AMOT: variants seen among roughly 807,000 people sequenced by gnomAD.
AMOT encodes the protein angiomotin.
Under a neutral mutation model 67.0 loss-of-function variants are expected in AMOT, and 11 were observed. That is an observed-to-expected ratio of 0.16 (90% CI 0.10 to 0.27). The LOEUF is 0.27. AMOT is among the 10% of genes least tolerant of loss of function. AMOT has a pLI of 1.00. For missense variants in AMOT, 753 were observed against 852.0 expected (o/e 0.88, Z 1.45); for synonymous variants, 326 against 321.4 (o/e 1.01, Z -0.15).
intron 6 of AMOT, among the ~76,000 whole-genome samples, chrX:112,810,747 G>GAA (rs1420029758): frequency 2.4e-4 from 26 of 110,228 alleles, no homozygotes; most frequent in African/African-American, 7.6e-4. Flanking sequence ...AAAAAAAAAA[G>GAA]AAAGTACCAT....
chrX:112,822,184 A>C, intron 4 of AMOT, 71 bp downstream of exon 4: 1 of 1,059,133 alleles, frequency 9.4e-7, no homozygotes, highest in Non-Finnish European at 1.2e-6. Context: ...TTCCTTCCCT[A>C]AGATTCCCAA....
At chrX:112,821,926 G>A (rs1484148930) in intron 4 of AMOT, among the ~76,000 whole-genome samples, 1 of 112,403 alleles carries the variant, frequency 8.9e-6, no homozygotes. Context: ...CTCTCAAGGA[G>A]GGCTTATGAG....
At position 112,800,875 on chromosome X, in the gene AMOT, C is replaced by T. The variant is rs138610011; in HGVS notation, c.1776+4072G>A. 5.0e-3 allele frequency among the ~76,000 whole-genome samples: 557 copies of T among 111,799 alleles called. 6 individuals are homozygous for T. The highest frequency in any genetic ancestry group is 0.017 in the African/African-American group (530 of 30,776). Reference sequence around the variant, plus strand: ...GTGACATCTACATCATCACTAGCCACTGCAGTTCAGAAAAGGTTAACATTT... The same window carrying T: ...GTGACATCTACATCATCACTAGCCATTGCAGTTCAGAAAAGGTTAACATTT... On this transcript the variant is annotated intron_variant, in intron 8 of 13. Coordinates refer to ENST00000371959, the MANE Select transcript of AMOT (RefSeq NM_001113490.2).
intron 7 of AMOT, among the ~76,000 whole-genome samples, chrX:112,808,860 T>C (rs1383185439): frequency 1.8e-5 from 2 of 111,483 alleles, no homozygotes; most frequent in Non-Finnish European, 3.8e-5. Flanking sequence ...CATTCCTTAC[T>C]CTAAGATATG....
At chrX:112,829,101 A>T (rs1005253389) in intron 2 of AMOT, among the ~76,000 whole-genome samples, 2 of 111,825 alleles carry the variant, frequency 1.8e-5, no homozygotes, top group Non-Finnish European at 1.9e-5. Context: ...CCAGCTTGGC[A>T]TTTGCTCTTA....
intron 10 of AMOT, among the ~76,000 whole-genome samples, chrX:112,783,948 G>A (rs1384631246): frequency 9.0e-6 from 1 of 110,775 alleles, no homozygotes; most frequent in Non-Finnish European, 1.9e-5. Flanking sequence ...GGGATGAAGC[G>A]GCAAGAAAAA....
intron 1 of AMOT, among the ~76,000 whole-genome samples, chrX:112,837,539 T>C (rs1235130212): frequency 9.1e-6 from 1 of 110,315 alleles, no homozygotes; most frequent in Non-Finnish European, 1.9e-5. Flanking sequence ...ATTGTGTGTG[T>C]TGTGTGTGGA....
chrX:112,831,911 C>T (rs1934999806), intron 2 of AMOT, among the ~76,000 whole-genome samples: 4 of 110,894 alleles, frequency 3.6e-5, no homozygotes, highest in Admixed American at 1.9e-4. Flanking sequence ...TCCCGATGGC[C>T]TTTCCTCCCA....
At chrX:112,812,076 T>C (rs1934385032) in intron 5 of AMOT, among the ~76,000 whole-genome samples, 1 of 111,956 alleles carries the variant, frequency 8.9e-6, no homozygotes, top group Non-Finnish European at 1.9e-5. Flanking sequence ...GCAAGATACA[T>C]CTTTAAGAAA....
chrX:112,782,571 C>A lies in AMOT; in HGVS notation c.2209G>T (p.Ala737Ser), dbSNP rs145085297. Residue 737 changes from alanine to serine, a missense_variant, in exon 11 of 14, where the codon GCC (alanine) becomes TCC (serine). Ala to Ser is a moderately conservative substitution (Grantham distance 99, BLOSUM62 1). Transcript: ENST00000371959. ...TCCATGTCAAGGCAACGCTTATTGG[C>A]CATCAAGATTTCTTCCTCCTCTTTC... ...IQKEEEEILM[A>S]NKRCLDMEGR... 3.3e-6 allele frequency: 4 copies of A among 1,209,901 alleles called. No individual in the cohort carries two copies. In the African/African-American group the frequency reaches 7.0e-5, roughly 21 times the overall value.
chrX:112,788,220 C>T (rs1208373997), intron 10 of AMOT, among the ~76,000 whole-genome samples: 12 of 107,969 alleles, frequency 1.1e-4, no homozygotes, highest in East Asian at 2.9e-4. Flanking sequence ...ACCCGGGAGG[C>T]GGAGGCTGCA....
chrX:112,791,068 C>T (rs1300700802), intron 9 of AMOT, among the ~76,000 whole-genome samples: 1 of 110,923 alleles, frequency 9.0e-6, no homozygotes, highest in Admixed American at 9.6e-5. Context: ...GCCAGCATAA[C>T]ACACAACAGA....
At chrX:112,789,503 T>C (rs1400318165) in intron 10 of AMOT, among the ~76,000 whole-genome samples, 1 of 110,262 alleles carries the variant, frequency 9.1e-6, no homozygotes, top group Non-Finnish European at 1.9e-5. Flanking sequence ...TAGAGAGACA[T>C]GTCTTCCTAA....
At chrX:112,816,353 A>G (rs1035860914) in intron 4 of AMOT, among the ~76,000 whole-genome samples, 3 of 111,231 alleles carry the variant, frequency 2.7e-5, no homozygotes, top group African/African-American at 9.8e-5. Context: ...ACAGCCATAA[A>G]AACCACCCCC....
chrX:112,781,411 G>A (rs910327697), intron 11 of AMOT, among the ~76,000 whole-genome samples: 4 of 91,530 alleles, frequency 4.4e-5, no homozygotes, highest in African/African-American at 1.8e-4. Flanking sequence ...CTGCACTCCA[G>A]CCTGGGTGAC....
Position 112,815,627 on chromosome X carries a change from T to A in AMOT, c.1123A>T (p.Ser375Cys). The change falls in exon 5 of 14, where the codon AGT becomes TGT. Residue 375 changes from serine (S) to cysteine (C), a missense_variant. Transcript: ENST00000371959. ...TGCTGCTGTTGCTGCTGCTGCTGAC[T>A]CAGGCCAGGTTGGGAGAGACGGTAA... Reference protein sequence around the residue: ...DHYRLSQPGLSQQQQQQQQQH... With the variant: ...DHYRLSQPGLCQQQQQQQQQH... 8.3e-7 allele frequency: 1 copy of A among 1,201,451 alleles called. No individual in the cohort carries two copies. Among genetic ancestry groups the A allele is most frequent in the East Asian group, 3.0e-5 (1 of 33,158 alleles).
At chrX:112,811,106 G>A in intron 6 of AMOT, 143 bp downstream of exon 6, 1 of 765,788 alleles carries the variant, frequency 1.3e-6, no homozygotes, top group South Asian at 2.9e-5. Context: ...CAAAAAATTA[G>A]CCTGGCACAT....
intron 10 of AMOT, among the ~76,000 whole-genome samples, chrX:112,786,895 TTC>T (rs1003092363): frequency 5.1e-4 from 57 of 112,171 alleles, no homozygotes; most frequent in African/African-American, 1.7e-3. Flanking sequence ...ATCTTCAATT[TTC>T]TCTCTCTTTC....
intron 5 of AMOT, 22 bp downstream of exon 5, chrX:112,815,336 T>C: frequency 8.4e-7 from 1 of 1,189,159 alleles, no homozygotes; most frequent in Non-Finnish European, 1.1e-6. Flanking sequence ...GAGACCCTAA[T>C]ATCCCAAAAC....
Sources: allele counts gnomAD v4.1 joint callset (sites outside exome capture counted in the v4.1 genomes callset), GRCh38; gene constraint gnomAD v4.1.1; transcripts MANE v1.5; gene names NCBI Gene and HGNC (gene_info 2026-07-23, HGNC 2026-07-21).